ESYT1: variants seen among roughly 807,000 people sequenced by gnomAD.
ESYT1 encodes the protein extended synaptotagmin 1.
A neutral mutation model predicts 154.2 loss-of-function variants in ESYT1; 116 were observed. That is an observed-to-expected ratio of 0.75 (90% CI 0.65 to 0.88). The LOEUF is 0.88. ESYT1 is among the 40% of genes least tolerant of loss of function. The pLI is 0.00. For missense variants in ESYT1, 1,264 were observed against 1,379.3 expected (o/e 0.92, Z 1.32); for synonymous variants, 500 against 539.9 (o/e 0.93, Z 1.02).
intron 15 of ESYT1, among the ~76,000 whole-genome samples, chr12:56,136,021 C>T (rs1180638520): frequency 7.2e-6 from 1 of 138,628 alleles, no homozygotes; most frequent in Non-Finnish European, 1.5e-5. Context: ...ATTTCAAGCA[C>T]TGCACTCTAG....
rs1195026303 is a variant in ESYT1 at position 56,143,958 on chromosome 12, G to A, written c.*96G>A. ...ATGAGCCTAAAGCTAGGGTCCAAGG[G>A]CAGAGCCTGTGCCCTTCAGCCCTTT... On this transcript the variant is annotated 3_prime_UTR_variant, in exon 31 of 31. Transcript: ENST00000394048. 2.1e-5 allele frequency: 33 copies of A among 1,602,650 alleles called. No homozygotes were observed. The highest frequency in any genetic ancestry group is 2.7e-5 in the African/African-American group (2 of 74,774).
In ESYT1 at chr12:56,130,630, ATTGAT is replaced by A; in HGVS notation, c.432+15_432+19del. 1 of 1,613,834 alleles carries A rather than the reference ATTGAT, an allele frequency of 6.2e-7. No individual in the cohort carries two copies. The highest frequency in any genetic ancestry group is 2.2e-5 in the East Asian group (1 of 44,888). ...GGCTGAATGGCTCAATAAGGTGAGG[ATTGAT>A]TTGATTTTTAGTCTTCATGAGGGGA... On this transcript the variant is annotated splice_region_variant and intron_variant, in intron 2 of 30. Transcript: ENST00000394048.
In ESYT1 at chr12:56,137,637, C is replaced by G. The variant is rs764684970; in HGVS notation, c.2077C>G (p.Arg693Gly). Reference sequence around the variant, plus strand: ...ACGAAGCTTCCGGAGCCATGTTGTTCGGGAAGATCTCAATCCCCGCTGGAA... The same window carrying G: ...ACGAAGCTTCCGGAGCCATGTTGTTGGGGAAGATCTCAATCCCCGCTGGAA... Reference protein sequence around the residue: ...AGRSFRSHVVREDLNPRWNEV... With the variant: ...AGRSFRSHVVGEDLNPRWNEV... Residue 693 changes from arginine to glycine, a missense_variant, in exon 18 of 31, where the codon CGG becomes GGG. By Grantham distance (125) the Arg-to-Gly change is moderately radical. Coordinates refer to ENST00000394048, the MANE Select transcript of ESYT1 (RefSeq NM_015292.3). 6.2e-7 allele frequency: 1 copy of G among 1,614,080 alleles called. No homozygotes were observed. Among genetic ancestry groups the G allele is most frequent in the South Asian group, 1.1e-5 (1 of 91,074 alleles).
At position 56,144,182 on chromosome 12, in the gene ESYT1, T is replaced by C; in HGVS notation, c.*320T>C. On this transcript the variant is annotated 3_prime_UTR_variant, in exon 31 of 31. Transcript: ENST00000394048. ...ATCTGTGCCTGGCCAGTGGCAGCAC[T>C]AGCAGTGGTATTAGCTTATGCCAAA... The C allele has an allele frequency of 7.7e-7, 1 of 1,298,880 alleles. No homozygotes were observed. 80.5% of individuals were successfully genotyped at this position (1,298,880 alleles called of 1,614,324 possible). A position where few individuals can be genotyped will look rare whatever the true frequency, so the allele number is the denominator to read the frequency against.
Position 56,142,666 on chromosome 12 carries a change from C to T in ESYT1, c.2822C>T (p.Ser941Leu), listed in dbSNP as rs150505165. 3.7e-4 allele frequency: 590 copies of T among 1,614,068 alleles called. No individual in the cohort carries two copies. The highest frequency in any genetic ancestry group is 4.4e-4 in the Non-Finnish European group (515 of 1,180,028). ...SSSLSEEPEL[S>L]GGPPHITSSA... ...TCGCTGAGTGAAGAACCAGAGCTCT[C>T]GGGGGGACCCCCTCACATCACCTCC... Residue 941 changes from serine to leucine, a missense_variant, in exon 26 of 31, where the codon TCG (serine) becomes TTG (leucine). Coordinates refer to ENST00000394048, the MANE Select transcript of ESYT1 (RefSeq NM_015292.3). The surrounding 1 kb of genome is among the most constrained non-coding windows in gnomAD (Gnocchi z 4.1).
intron 13 of ESYT1, 79 bp downstream of exon 13, chr12:56,133,952 C>G: frequency 6.5e-7 from 1 of 1,543,684 alleles, no homozygotes; most frequent in Non-Finnish European, 9.0e-7. Flanking sequence ...AATGTCCCTG[C>G]CTGCTTTGCT....
At chr12:56,133,924 T>C (rs1419650891) in intron 13 of ESYT1, 51 bp downstream of exon 13, 1 of 1,589,666 alleles carries the variant, frequency 6.3e-7, no homozygotes, top group Non-Finnish European at 8.6e-7. Flanking sequence ...TCCCCAACCC[T>C]GCCTTGCTGA....
chr12:56,138,658 T>C lies in ESYT1; in HGVS notation c.2434-110T>C. 5 of 1,308,682 alleles carry C rather than the reference T, an allele frequency of 3.8e-6. No individual in the cohort carries two copies. In the South Asian group the frequency reaches 4.8e-5, roughly 12 times the overall value. 81.1% of individuals were successfully genotyped at this position (1,308,682 alleles called of 1,614,324 possible). ...GTTGTCTGTTCAAGGCCACGGGTAGTGGCTGCCAAGTAATAATGGAGACAT... is the reference window on the plus strand; with the variant it reads ...GTTGTCTGTTCAAGGCCACGGGTAGCGGCTGCCAAGTAATAATGGAGACAT... On this transcript the variant is annotated intron_variant, in intron 22 of 30. Transcript: ENST00000394048.
chr12:56,134,570 C>A, intron 15 of ESYT1, 142 bp downstream of exon 15: 1 of 716,604 alleles, frequency 1.4e-6, no homozygotes. Flanking sequence ...AATATCTCTC[C>A]ATTGTTCCCC....
At position 56,144,529 on chromosome 12, in the gene ESYT1, T is replaced by A; in HGVS notation, c.*667T>A. On this transcript the variant is annotated 3_prime_UTR_variant, in exon 31 of 31. Transcript: ENST00000394048. ...CTAGCTGGTGATACGGAGAGGGCTT[T>A]GGAGGACTTGGGACAGCAGGGCCAA... 1 of 985,740 alleles carries A rather than the reference T, an allele frequency of 1.0e-6. No individual in the cohort carries two copies. The highest frequency in any genetic ancestry group is 1.2e-6 in the Non-Finnish European group (1 of 830,158). 61.1% of individuals were successfully genotyped at this position (985,740 alleles called of 1,614,324 possible).
At chr12:56,129,014 C>T (rs1870120208) in intron 1 of ESYT1, among the ~76,000 whole-genome samples, 1 of 152,142 alleles carries the variant, frequency 6.6e-6, no homozygotes, top group Non-Finnish European at 1.5e-5. Context: ...AGCTCTCCCT[C>T]CTAGCCAAGC....
At position 56,142,273 on chromosome 12, in the gene ESYT1, G is replaced by A. The variant is rs1870731109; in HGVS notation, c.2593-12G>A. The A allele has an allele frequency of 1.2e-6, 2 of 1,613,346 alleles. No homozygotes were observed. Among genetic ancestry groups the A allele is most frequent in the Non-Finnish European group, 1.7e-6 (2 of 1,179,616 alleles). On this transcript the variant is annotated splice_polypyrimidine_tract_variant and intron_variant, in intron 24 of 30. Coordinates refer to ENST00000394048, the MANE Select transcript of ESYT1 (RefSeq NM_015292.3). The surrounding 1 kb of genome is among the most constrained non-coding windows in gnomAD (Gnocchi z 4.1). ...GCATTCGCCTCTTGATCATGGTCCT[G>A]TTGCCCCACAGGTTCGGGGTGAGGG...
chr12:56,131,209 T>A, intron 4 of ESYT1, 35 bp from the exon 5 acceptor site: 2 of 1,613,654 alleles, frequency 1.2e-6, no homozygotes, highest in South Asian at 2.2e-5. Flanking sequence ...AGCCAAGGAC[T>A]AACTCTCTTG....
At chr12:56,140,877 T>C (rs1870660696) in intron 24 of ESYT1, among the ~76,000 whole-genome samples, 1 of 152,118 alleles carries the variant, frequency 6.6e-6, no homozygotes, top group Non-Finnish European at 1.5e-5. Flanking sequence ...AGGAACAGCC[T>C]AGACACTAAC....
Position 56,131,132 on chromosome 12 carries a change from C to A in ESYT1, c.641+19C>A. 1 of 1,613,980 alleles carries A rather than the reference C, an allele frequency of 6.2e-7. No individual in the cohort carries two copies. The highest frequency in any genetic ancestry group is 8.5e-7 in the Non-Finnish European group (1 of 1,179,848). ...ACATCAGGTAATACCACTCACCACTCTTACTGCTTCCCCTTCAATGTGTCC... is the reference window on the plus strand; with the variant it reads ...ACATCAGGTAATACCACTCACCACTATTACTGCTTCCCCTTCAATGTGTCC... On this transcript the variant is annotated intron_variant, in intron 4 of 30. Transcript: ENST00000394048.
rs779774089 is a variant in ESYT1, at chr12:56,131,580, A to G, written c.804+14A>G. ...ATCCGACGCCCGGTAAGGGAAAACA[A>G]TGAAGGGGTATGGGGAAGCAGGAGA... On this transcript the variant is annotated intron_variant, in intron 6 of 30. Transcript: ENST00000394048. 33 of 1,613,640 alleles carry G rather than the reference A, an allele frequency of 2.0e-5. No individual in the cohort carries two copies. The highest frequency in any genetic ancestry group is 2.7e-5 in the African/African-American group (2 of 74,896).
intron 1 of ESYT1, among the ~76,000 whole-genome samples, chr12:56,129,917 ACT>A: frequency 7.2e-6 from 1 of 138,990 alleles, no homozygotes; most frequent in African/African-American, 3.1e-5. Flanking sequence ...GGAAAAGGGG[ACT>A]TTTTTTTTTT....
In ESYT1 at chr12:56,144,377, G is replaced by T. The variant is rs28546848; in HGVS notation, c.*515G>T. ...CCCCATGTCCAGTTCTGTCCCCACT[G>T]TCCTCAACCCTGTCCTGAAAATTCT... On this transcript the variant is annotated 3_prime_UTR_variant, in exon 31 of 31. Transcript: ENST00000394048. 3.0e-3 allele frequency: 3,026 copies of T among 996,304 alleles called. 70 individuals carry two copies. In the African/African-American group the frequency reaches 0.045, roughly 15 times the overall value. The allele number at this position is 996,304 out of a possible 1,614,324, so 61.7% of individuals were successfully genotyped here.
chr12:56,139,819 C>T (rs914462442), intron 24 of ESYT1, among the ~76,000 whole-genome samples: 1 of 151,804 alleles, frequency 6.6e-6, no homozygotes, highest in African/African-American at 2.4e-5. Context: ...AACTCCTGAC[C>T]TCAGGTTATC....
Sources: gnomAD v4.1 joint callset for allele counts (sites outside exome capture counted in the v4.1 genomes callset) on GRCh38, gnomAD v4.1.1 for gene constraint, Gnocchi (gnomAD v3.1) non-coding constraint, MANE v1.5 for transcripts, NCBI Gene and HGNC (gene_info 2026-07-23, HGNC 2026-07-21) for gene names.